The following BPTF variants were observed in gnomAD, a reference collection of about 807,000 sequenced individuals.
The protein encoded by BPTF is nucleosome-remodeling factor subunit BPTF.
A neutral mutation model predicts 292.5 loss-of-function variants in BPTF; 18 were observed. The observed-to-expected ratio is 0.06, with a 90% CI of 0.04 to 0.09. The LOEUF is 0.09. Ranked by LOEUF, BPTF falls within the 10% of genes least tolerant of loss-of-function variation. The pLI is 1.00. For synonymous variants in BPTF, 1,225 were observed against 1,251.9 expected, an observed-to-expected ratio of 0.98 and a Z score of 0.45; for missense variants, 2,726 against 3,498.7, an observed-to-expected ratio of 0.78 and a Z score of 5.57.
Position 67,886,513 on chromosome 17 carries a change from C to T in BPTF, c.1865-5331C>T, listed in dbSNP as rs576005433. On this transcript the variant is annotated intron_variant, in intron 4 of 27. Transcript: ENST00000306378. ...TTTTTTTTTAAACACAGCACTTGCACTCAATGTTTTTGTTTTCAAAATCTA... is the reference window on the plus strand; with the variant it reads ...TTTTTTTTTAAACACAGCACTTGCATTCAATGTTTTTGTTTTCAAAATCTA... Among the ~76,000 whole-genome samples, 5 of 151,590 alleles carry T rather than the reference C, an allele frequency of 3.3e-5. No homozygotes were observed. In the East Asian group the frequency reaches 9.7e-4, roughly 29 times the overall value.
chr17:67,866,728 A>T (rs1331482415), intron 3 of BPTF, 41 bp downstream of exon 3: 1 of 1,527,062 alleles, frequency 6.5e-7, no homozygotes, highest in Non-Finnish European at 9.0e-7. Flanking sequence ...GTTAAGTCTG[A>T]GCTAAACCGT....
intron 1 of BPTF, among the ~76,000 whole-genome samples, chr17:67,841,166 G>A (rs927481187): frequency 3.9e-5 from 6 of 151,940 alleles, no homozygotes; most frequent in Admixed American, 1.3e-4. Context: ...CCAGCACTTC[G>A]GGAGGCCAAG....
chr17:67,944,083 T>C (rs2065610380), intron 19 of BPTF, 67 bp from the exon 20 acceptor site: 1 of 1,159,490 alleles, frequency 8.6e-7, no homozygotes, highest in Non-Finnish European at 1.3e-6. Context: ...AAAAATGATT[T>C]AATAAAAATG....
At chr17:67,857,575 T>G (rs545023766) in intron 2 of BPTF, among the ~76,000 whole-genome samples, 5 of 151,042 alleles carry the variant, frequency 3.3e-5, no homozygotes, top group African/African-American at 9.8e-5. Context: ...CAAGCAGTCC[T>G]CCTGCTTCAG....
chr17:67,932,094 C>G, intron 18 of BPTF, 75 bp downstream of exon 18: 1 of 1,246,616 alleles, frequency 8.0e-7, no homozygotes, highest in Non-Finnish European at 1.2e-6. Flanking sequence ...CTGCATTTGG[C>G]ACTACATACG....
Position 67,874,984 on chromosome 17 carries a change from A to G in BPTF, c.1828A>G (p.Thr610Ala), listed in dbSNP as rs571754010. Residue 610 changes from threonine to alanine, a missense_variant, in exon 4 of 28, where the codon ACA becomes GCA. Thr to Ala is a moderately conservative substitution (Grantham distance 58). Coordinates refer to ENST00000306378, the MANE Select transcript of BPTF (RefSeq NM_182641.4). ...QSLEKDSDDK[T>A]PDDDPEQGKS... is the part of the protein sequence containing the mutation. ...CCTTGAAAAAGACAGTGACGACAAA[A>G]CACCAGATGATGACCCTGAGCAAGG... The G allele has an allele frequency of 2.4e-5, 39 of 1,613,656 alleles. No individual in the cohort carries two copies. In the Admixed American group the frequency reaches 6.2e-4, roughly 26 times the overall value.
At chr17:67,897,341 C>CAAAAAAA (rs750678904) in intron 7 of BPTF, among the ~76,000 whole-genome samples, 10 of 17,766 alleles carry the variant, frequency 5.6e-4, no homozygotes, top group Non-Finnish European at 1.1e-3. Context: ...AACTCTGTCT[C>CAAAAAAA]AAAAAAAAAA....
chr17:67,851,773 G>T (rs185462983), intron 1 of BPTF, among the ~76,000 whole-genome samples: 2 of 152,270 alleles, frequency 1.3e-5, no homozygotes, highest in African/African-American at 4.8e-5. Flanking sequence ...CCCAGTGGTG[G>T]TATACTGGTG....
At chr17:67,976,697 A>AT (rs369829617) in intron 27 of BPTF, among the ~76,000 whole-genome samples, 79,733 of 128,330 alleles carry the variant, frequency 0.62, 26,985 homozygotes, top group Non-Finnish European at 0.75. Flanking sequence ...AAAAAAAAAA[A>AT]AAAAAAAAAA....
chr17:67,929,089 T>A (rs2064147068), intron 16 of BPTF: 2 of 1,301,292 alleles, frequency 1.5e-6, no homozygotes, highest in Non-Finnish European at 2.0e-6. Context: ...ACAGCAAGAT[T>A]GTCGCTGTAA....
chr17:67,853,814 T>C (rs1244886577), intron 1 of BPTF, 126 bp from the exon 2 acceptor site: 1 of 726,692 alleles, frequency 1.4e-6, no homozygotes, highest in Non-Finnish European at 2.3e-6. Context: ...TTCTTCGTAT[T>C]ATTTTAACTT....
chr17:67,895,542 G>C (rs191753498), intron 7 of BPTF, among the ~76,000 whole-genome samples: 2,235 of 149,600 alleles, frequency 0.015, 62 homozygotes, highest in African/African-American at 0.052. Context: ...GCTCACTGCA[G>C]CCTTGACCTC....
intron 8 of BPTF, 52 bp downstream of exon 8, chr17:67,903,970 T>C (rs752075111): frequency 6.8e-7 from 1 of 1,469,154 alleles, no homozygotes; most frequent in East Asian, 2.4e-5. Context: ...CTGAGACTTT[T>C]ATTCTGAAAC....
intron 11 of BPTF, 108 bp downstream of exon 11, chr17:67,913,295 C>T: frequency 1.4e-6 from 2 of 1,438,286 alleles, no homozygotes; most frequent in Non-Finnish European, 1.8e-6. Flanking sequence ...AGACAGGAAA[C>T]ATATTAATGG....
intron 13 of BPTF, among the ~76,000 whole-genome samples, chr17:67,922,108 G>A (rs998084020): frequency 2.6e-5 from 4 of 152,100 alleles, no homozygotes; most frequent in African/African-American, 9.7e-5. Context: ...GATGGGAGAT[G>A]TACCTGGCAG....
chr17:67,974,944 G>C (rs1170707028), intron 26 of BPTF: 1 of 152,162 alleles, frequency 6.6e-6, no homozygotes, highest in Non-Finnish European at 1.5e-5. Flanking sequence ...CCCTTCCGGA[G>C]GTTGGGGGAT....
rs202146930 is a variant in BPTF, at chr17:67,966,665, A to G, written c.8539+9A>G. 700 of 1,494,836 alleles carry G rather than the reference A, an allele frequency of 4.7e-4. No homozygotes were observed. The highest frequency in any genetic ancestry group is 6.1e-4 in the Non-Finnish European group (679 of 1,116,764). The allele number at this position is 1,494,836 out of a possible 1,614,324, so 92.6% of individuals were successfully genotyped here. A position where few individuals can be genotyped will look rare whatever the true frequency, so the allele number is the denominator to read the frequency against. ...TATTAAGGAACCTATGGGTAAGTACATGAGTTGAATATGAAGTTTTTCAGA... is the reference window on the plus strand; with the variant it reads ...TATTAAGGAACCTATGGGTAAGTACGTGAGTTGAATATGAAGTTTTTCAGA... On this transcript the variant is annotated intron_variant, in intron 26 of 27. Coordinates refer to ENST00000306378, the MANE Select transcript of BPTF (RefSeq NM_182641.4).
At chr17:67,847,654 G>A (rs1414362476) in intron 1 of BPTF, among the ~76,000 whole-genome samples, 13 of 143,200 alleles carry the variant, frequency 9.1e-5, no homozygotes, top group African/African-American at 3.4e-4. Flanking sequence ...CAGCCTGGGC[G>A]ACAGAGCCAG....
intron 18 of BPTF, among the ~76,000 whole-genome samples, chr17:67,935,606 G>A (rs1264037599): frequency 1.3e-5 from 2 of 152,144 alleles, no homozygotes; most frequent in East Asian, 3.8e-4. Flanking sequence ...AATAAAGTGA[G>A]CTTTTTTAAC....
Sources: gnomAD v4.1 joint callset for allele counts (sites outside exome capture counted in the v4.1 genomes callset) on GRCh38, gnomAD v4.1.1 for gene constraint, MANE v1.5 for transcripts, NCBI Gene and HGNC (gene_info 2026-07-23, HGNC 2026-07-21) for gene names.